Variants in PPA1 observed in about 807,000 individuals in gnomAD.
The protein encoded by PPA1 is inorganic pyrophosphatase.
PPA1 carries 23 observed loss-of-function variants against 41.8 expected under a neutral mutation model. The ratio of observed to expected loss-of-function variants is 0.55; its 90% CI spans 0.40 to 0.78. PPA1 has a LOEUF of 0.78. Ranked by LOEUF, PPA1 falls within the 30% of genes least tolerant of loss-of-function variation. PPA1 has a pLI of 0.00. For missense variants in PPA1, 320 were observed against 361.6 expected, an observed-to-expected ratio of 0.89 and a Z score of 0.93; for synonymous variants, 101 against 116.8, an observed-to-expected ratio of 0.86 and a Z score of 0.87.
chr10:70,230,460 TAC>T, intron 1 of PPA1, 61 bp from the exon 2 acceptor site: 6 of 1,490,138 alleles, frequency 4.0e-6, no homozygotes, highest in Non-Finnish European at 5.5e-6. Flanking sequence ...ATGCCCACAG[TAC>T]ACATTTTTTT....
intron 8 of PPA1, among the ~76,000 whole-genome samples, chr10:70,206,879 GGGGA>G (rs1839948859): frequency 1.4e-5 from 1 of 74,036 alleles, no homozygotes; most frequent in Non-Finnish European, 2.6e-5. Context: ...GGGGAGGGGA[GGGGA>G]GGGGAGGGGA....
intron 2 of PPA1, among the ~76,000 whole-genome samples, chr10:70,220,934 CTAT>C (rs1840149239): frequency 1.6e-4 from 2 of 12,484 alleles, no homozygotes; most frequent in Non-Finnish European, 3.0e-4. Context: ...TTTATATATA[CTAT>C]ATATATAATT....
intron 2 of PPA1, among the ~76,000 whole-genome samples, chr10:70,226,263 T>C (rs1840229419): frequency 6.6e-6 from 1 of 152,018 alleles, no homozygotes; most frequent in Non-Finnish European, 1.5e-5. Flanking sequence ...ATAACTTAAT[T>C]TGTCATGTCA....
Position 70,218,651 on chromosome 10 carries a change from G to A in PPA1, c.177+113C>T, listed in dbSNP as rs1840104071. On this transcript the variant is annotated intron_variant, in intron 3 of 10. Coordinates refer to ENST00000373232, the MANE Select transcript of PPA1 (RefSeq NM_021129.4). ...GGAGATACAACTAGAAAATAGACTG[G>A]GACCAGACAGAGAAAAACCTTGACG... 3 of 814,956 alleles carry A rather than the reference G, an allele frequency of 3.7e-6. No homozygotes were observed. In the South Asian group the frequency reaches 4.7e-5, roughly 13 times the overall value. The allele number at this position is 814,956 out of a possible 1,614,324, so 50.5% of individuals were successfully genotyped here.
At chr10:70,221,020 TATATATA>T (rs1214184825) in intron 2 of PPA1, among the ~76,000 whole-genome samples, 12 of 72,450 alleles carry the variant, frequency 1.7e-4, no homozygotes, top group African/African-American at 8.1e-4. Flanking sequence ...ATATAATTTA[TATATATA>T]ATATATATAT....
At chr10:70,207,907 T>C (rs906708011) in intron 8 of PPA1, among the ~76,000 whole-genome samples, 3 of 145,262 alleles carry the variant, frequency 2.1e-5, no homozygotes, top group African/African-American at 7.6e-5. Context: ...AAATATTCCA[T>C]CAAGGCCGGG....
rs1839935794 is a variant in PPA1 at position 70,206,053 on chromosome 10, C to T, written c.795+211G>A. 5.4e-6 allele frequency: 3 copies of T among 554,276 alleles called. No homozygotes were observed. The Admixed American group carries it at 9.2e-5, about 17-fold the overall frequency. 34.3% of individuals were successfully genotyped at this position (554,276 alleles called of 1,614,324 possible). A position where few individuals can be genotyped will look rare whatever the true frequency, so the allele number is the denominator to read the frequency against. ...TCTTACTACCATGCTATCTGTCCAA[C>T]TTATGATTGATTAGAATCACTCCCT... is the stretch of plus-strand genomic sequence containing the variant. On this transcript the variant is annotated intron_variant, in intron 9 of 10. Transcript: ENST00000373232.
At chr10:70,230,081 G>C (rs772897275) in intron 2 of PPA1, among the ~76,000 whole-genome samples, 16 of 152,028 alleles carry the variant, frequency 1.1e-4, no homozygotes, top group Non-Finnish European at 1.5e-4. Context: ...GCTAATTTTT[G>C]TATTTTTTGT....
intron 3 of PPA1, 135 bp downstream of exon 3, chr10:70,218,629 G>A (rs1253914568): frequency 1.5e-6 from 1 of 676,978 alleles, no homozygotes; most frequent in African/African-American, 1.8e-5. Context: ...GGCAATGGGA[G>A]ATACAACTAG....
At chr10:70,220,741 ATATATATATAATATATATAATT>A (rs1840141168) in intron 2 of PPA1, among the ~76,000 whole-genome samples, 1 of 3,624 alleles carries the variant, frequency 2.8e-4, no homozygotes, top group African/African-American at 6.1e-4. Context: ...TATATAATTT[ATATATATATAATATATATAATT>A]TATATATATA....
rs1840143230 is a variant in PPA1 at position 70,220,788 on chromosome 10, TA to T, written c.124-1972del. On this transcript the variant is annotated intron_variant, in intron 2 of 10. Coordinates refer to ENST00000373232, the MANE Select transcript of PPA1 (RefSeq NM_021129.4). The stretch of plus-strand genomic sequence containing the variant: ...TTATATATATATAATATATATAATT[TA>T]TATATATATAATATATATAATTTTT... 5.1e-3 allele frequency among the ~76,000 whole-genome samples: 34 copies of T among 6,668 alleles called. 5 individuals carry two copies. The highest frequency in any genetic ancestry group is 0.016 in the African/African-American group (30 of 1,824). The allele number at this position is 6,668 out of a possible 152,430, so 4.4% of individuals were successfully genotyped here. A position where few individuals can be genotyped will look rare whatever the true frequency, so the allele number is the denominator to read the frequency against.
At chr10:70,210,240 C>A (rs1840001427) in intron 6 of PPA1, 2 of 503,902 alleles carry the variant, frequency 4.0e-6, no homozygotes, top group African/African-American at 2.0e-5. Flanking sequence ...ACACGCCCAG[C>A]TAATTTTTAA....
chr10:70,210,579 G>A (rs1168043725), intron 6 of PPA1, among the ~76,000 whole-genome samples: 4 of 152,034 alleles, frequency 2.6e-5, no homozygotes, highest in Non-Finnish European at 1.5e-5. Context: ...TTTCTGTATA[G>A]CCATCAACAA....
At chr10:70,203,559 A>C (rs1309529005) in intron 10 of PPA1, 5 of 173,202 alleles carry the variant, frequency 2.9e-5, no homozygotes, top group Non-Finnish European at 4.8e-5. Context: ...GTGTGCCACC[A>C]CATCTAGCAA....
intron 2 of PPA1, among the ~76,000 whole-genome samples, chr10:70,227,630 G>C (rs1398751657): frequency 8.4e-6 from 1 of 118,520 alleles, no homozygotes; most frequent in African/African-American, 3.0e-5. Context: ...CAGCCTGAGT[G>C]ACAAAGTGAA....
intron 2 of PPA1, among the ~76,000 whole-genome samples, chr10:70,221,727 T>A (rs905790605): frequency 6.6e-6 from 1 of 152,158 alleles, no homozygotes; most frequent in African/African-American, 2.4e-5. Context: ...TGTTACGACA[T>A]GAAAGATCAA....
intron 1 of PPA1, among the ~76,000 whole-genome samples, chr10:70,232,238 C>G (rs75006856): frequency 0.026 from 3,899 of 152,290 alleles, 112 homozygotes; most frequent in Middle Eastern, 0.088. Flanking sequence ...GCTTCCCCTT[C>G]CTTCATACAC....
chr10:70,203,337 G>A (rs554146844), intron 10 of PPA1, 151 bp from the exon 11 acceptor site: 3 of 680,118 alleles, frequency 4.4e-6, no homozygotes, highest in East Asian at 2.6e-5. Flanking sequence ...TTTCTCTACA[G>A]CAAATGCAGG....
intron 2 of PPA1, among the ~76,000 whole-genome samples, chr10:70,219,171 A>AG (rs1840109350): frequency 6.6e-6 from 1 of 152,064 alleles, no homozygotes; most frequent in Non-Finnish European, 1.5e-5. Flanking sequence ...CCAAAGTGCT[A>AG]GGATTACAGG....
Sources: allele counts gnomAD v4.1 joint callset (sites outside exome capture counted in the v4.1 genomes callset), GRCh38; gene constraint gnomAD v4.1.1; transcripts MANE v1.5; gene names NCBI Gene and HGNC (gene_info 2026-07-23, HGNC 2026-07-21).